The following WBP1L variants were observed in gnomAD, a reference collection of about 807,000 sequenced individuals.
The protein encoded by WBP1L is WW domain binding protein 1 like, also known as WW domain binding protein 1-like.
In WBP1L, 17 loss-of-function variants were observed where a neutral mutation model predicts 33.7. The ratio of observed to expected loss-of-function variants is 0.50; its 90% confidence interval spans 0.34 to 0.76. WBP1L has a LOEUF of 0.76. WBP1L is among the 30% of genes least tolerant of loss of function. The pLI is 0.01. For synonymous variants in WBP1L, 173 were observed against 190.8 expected, an observed-to-expected ratio of 0.91 and a Z score of 0.77; for missense variants, 389 against 469.4, an observed-to-expected ratio of 0.83 and a Z score of 1.58.
chr10:102,760,815 A>C (rs1027497356), intron 1 of WBP1L, among the ~76,000 whole-genome samples: 1 of 152,180 alleles, frequency 6.6e-6, no homozygotes, highest in Non-Finnish European at 1.5e-5. Context: ...CAGCTTCTGA[A>C]CAGTCACACA....
chr10:102,756,421 G>A (rs980832098), intron 1 of WBP1L, among the ~76,000 whole-genome samples: 1 of 151,958 alleles, frequency 6.6e-6, no homozygotes, highest in Non-Finnish European at 1.5e-5. Context: ...GGGGGGTGGT[G>A]GGGGGAAGGG....
At chr10:102,764,317 G>A (rs1422519436) in intron 1 of WBP1L, among the ~76,000 whole-genome samples, 1 of 152,190 alleles carries the variant, frequency 6.6e-6, no homozygotes, top group Non-Finnish European at 1.5e-5. Flanking sequence ...GAGGGCCAAT[G>A]GCTGTGCTGT....
At chr10:102,746,126 G>A (rs1482663886) in intron 1 of WBP1L, 6 of 985,138 alleles carry the variant, frequency 6.1e-6, no homozygotes, top group Non-Finnish European at 7.2e-6. Flanking sequence ...TTTCAGCAAC[G>A]GGGATGATGG....
At chr10:102,791,348 C>T (rs957730949) in intron 1 of WBP1L, among the ~76,000 whole-genome samples, 5 of 152,178 alleles carry the variant, frequency 3.3e-5, no homozygotes, top group African/African-American at 4.8e-5. Context: ...ACCTACCCAG[C>T]TATATTGCCA....
At position 102,751,857 on chromosome 10, in the gene WBP1L, T is replaced by G. The variant is rs11813551; in HGVS notation, c.90+7714T>G. Among the ~76,000 whole-genome samples the G allele has an allele frequency of 7.4e-3, 1,120 of 152,266 alleles. 21 individuals carry two copies. Among genetic ancestry groups the G allele is most frequent in the African/African-American group, 0.026 (1,065 of 41,550 alleles). ...AATGGGAATTGTACTAGTATGGGGT[T>G]GTCATGAGGTGAAAAGACATAATAT... On this transcript the variant is annotated intron_variant, in intron 1 of 3. Transcript: ENST00000448841.
chr10:102,762,146 G>C (rs1302208973), intron 1 of WBP1L, among the ~76,000 whole-genome samples: 1 of 152,138 alleles, frequency 6.6e-6, no homozygotes, highest in East Asian at 1.9e-4. Context: ...AGCCGCTACA[G>C]CTGGCCATCT....
At chr10:102,776,925 G>A (rs542689101) in intron 1 of WBP1L, among the ~76,000 whole-genome samples, 1 of 152,174 alleles carries the variant, frequency 6.6e-6, no homozygotes, top group East Asian at 1.9e-4. Flanking sequence ...GTGCAGCTGA[G>A]GGACGTTCCC....
At position 102,771,465 on chromosome 10, in the gene WBP1L, C is replaced by T. The variant is rs141384751; in HGVS notation, c.91-26528C>T. Among the ~76,000 whole-genome samples the T allele has an allele frequency of 2.2e-3, 331 of 152,006 alleles. 1 individual carries two copies. Among genetic ancestry groups the T allele is most frequent in the African/African-American group, 7.4e-3 (308 of 41,440 alleles). ...TCATAAGGAGGCGAGGTGAAGCGTTCGAGACCAGCCTGGGCAACATAGGAA... is the reference window on the plus strand; with the variant it reads ...TCATAAGGAGGCGAGGTGAAGCGTTTGAGACCAGCCTGGGCAACATAGGAA... On this transcript the variant is annotated intron_variant, in intron 1 of 3. Transcript: ENST00000448841.
At chr10:102,765,220 A>G (rs1337560887) in intron 1 of WBP1L, among the ~76,000 whole-genome samples, 2 of 152,038 alleles carry the variant, frequency 1.3e-5, no homozygotes, top group Non-Finnish European at 2.9e-5. Flanking sequence ...GGATTCAGCT[A>G]TATTTTAGCT....
At chr10:102,756,148 C>T (rs997142024) in intron 1 of WBP1L, among the ~76,000 whole-genome samples, 1 of 151,954 alleles carries the variant, frequency 6.6e-6, no homozygotes, top group African/African-American at 2.4e-5. Flanking sequence ...CGTGGTGGCT[C>T]ATGCCTGTAA....
intron 1 of WBP1L, among the ~76,000 whole-genome samples, chr10:102,787,597 A>G (rs1176259805): frequency 1.3e-5 from 2 of 151,468 alleles, no homozygotes; most frequent in African/African-American, 4.9e-5. Context: ...CCAGAGGGGG[A>G]AAAAAAAGAG....
At chr10:102,804,938 A>G (rs1045035272) in intron 2 of WBP1L, among the ~76,000 whole-genome samples, 32 of 152,168 alleles carry the variant, frequency 2.1e-4, no homozygotes, top group African/African-American at 6.5e-4. Context: ...AAACCAATGC[A>G]TGAGATTTTC....
intron 1 of WBP1L, among the ~76,000 whole-genome samples, chr10:102,793,400 G>A (rs866983689): frequency 6.6e-6 from 1 of 152,170 alleles, no homozygotes; most frequent in Non-Finnish European, 1.5e-5. Context: ...AGCTACAGTC[G>A]TGCCACTGTA....
intron 1 of WBP1L, among the ~76,000 whole-genome samples, chr10:102,788,087 AC>A (rs1843443704): frequency 6.6e-6 from 1 of 150,468 alleles, no homozygotes; most frequent in Non-Finnish European, 1.5e-5. Flanking sequence ...GAAAAAAAAA[AC>A]AAAACCAATA....
chr10:102,784,644 C>T (rs1008234974), intron 1 of WBP1L, among the ~76,000 whole-genome samples: 6 of 151,942 alleles, frequency 3.9e-5, no homozygotes, highest in Admixed American at 6.6e-5. Flanking sequence ...CCAGGATGGT[C>T]TCGACCTCCT....
intron 1 of WBP1L, among the ~76,000 whole-genome samples, chr10:102,763,975 G>A (rs956144199): frequency 2.6e-5 from 4 of 152,036 alleles, no homozygotes; most frequent in Admixed American, 6.6e-5. Context: ...CACCACGCCC[G>A]GCTAATTTTC....
At chr10:102,744,604 T>C in intron 1 of WBP1L, among the ~76,000 whole-genome samples, 1 of 152,152 alleles carries the variant, frequency 6.6e-6, no homozygotes, top group Non-Finnish European at 1.5e-5. Flanking sequence ...GAGGGCATCT[T>C]AGTACGTTTA....
intron 1 of WBP1L, among the ~76,000 whole-genome samples, chr10:102,769,833 G>A (rs1056112534): frequency 1.3e-5 from 2 of 152,156 alleles, no homozygotes; most frequent in African/African-American, 2.4e-5. Context: ...CTGCAGTTAA[G>A]AACCGTTTAC....
intron 1 of WBP1L, among the ~76,000 whole-genome samples, chr10:102,749,684 A>G (rs1198235545): frequency 7.0e-6 from 1 of 142,404 alleles, no homozygotes; most frequent in Non-Finnish European, 1.5e-5. Flanking sequence ...CTGGTCTTGA[A>G]CTCCTTGGCT....
Sources: allele counts gnomAD v4.1 joint callset (sites outside exome capture counted in the v4.1 genomes callset), GRCh38; gene constraint gnomAD v4.1.1; transcripts MANE v1.5; gene names NCBI Gene and HGNC (gene_info 2026-07-23, HGNC 2026-07-21).